Variants in EDNRB observed in about 807,000 individuals in gnomAD.
EDNRB encodes the protein Hirschsprung disease 2.
A neutral mutation model predicts 46.4 loss-of-function variants in EDNRB; 18 were observed. That is an observed-to-expected ratio of 0.39 (90% confidence interval 0.27 to 0.57). EDNRB has a LOEUF of 0.57. Ranked by LOEUF, EDNRB falls within the 20% of genes least tolerant of loss-of-function variation. The pLI is 0.61. For missense variants in EDNRB, 434 were observed against 537.5 expected, an observed-to-expected ratio of 0.81 and a Z score of 1.90; for synonymous variants, 213 against 204.9, an observed-to-expected ratio of 1.04 and a Z score of -0.34.
Position 77,896,294 on chromosome 13 carries a change from CTG to C in EDNRB, c.*1904_*1905del, listed in dbSNP as rs1311345860. On this transcript the variant is annotated 3_prime_UTR_variant, in exon 7 of 7. Transcript: ENST00000646607. ...AATAGAAATTAAATATATTAATAAA[CTG>C]TGAAAATATTAGTGATTCAAAATTA... is the stretch of plus-strand genomic sequence containing the variant. The C allele has an allele frequency of 1.4e-5, 9 of 661,944 alleles. No individual in the cohort carries two copies. The highest frequency in any genetic ancestry group is 8.3e-5 in the South Asian group (2 of 24,122). The allele number at this position is 661,944 out of a possible 1,614,324, so 41.0% of individuals were successfully genotyped here.
At chr13:77,936,779 T>C in intron 1 of EDNRB, among the ~76,000 whole-genome samples, 1 of 152,188 alleles carries the variant, frequency 6.6e-6, no homozygotes. Context: ...TTCTGGCACT[T>C]GAAGCAAGAT....
At chr13:77,940,455 A>G (rs1172410254) in intron 1 of EDNRB, among the ~76,000 whole-genome samples, 4 of 152,254 alleles carry the variant, frequency 2.6e-5, no homozygotes. Flanking sequence ...TTTGAAATAC[A>G]TAAAACCCTC....
chr13:77,930,744 C>T (rs1880369446), intron 1 of EDNRB, among the ~76,000 whole-genome samples: 1 of 152,154 alleles, frequency 6.6e-6, no homozygotes, highest in African/African-American at 2.4e-5. Flanking sequence ...GATATATCTG[C>T]AATATGCCAA....
At chr13:77,898,359 A>T (rs1355030053) in intron 6 of EDNRB, 25 bp from the exon 7 acceptor site, 1 of 1,610,642 alleles carries the variant, frequency 6.2e-7, no homozygotes, top group Non-Finnish European at 8.5e-7. Flanking sequence ...GTAACTCATT[A>T]TATGTTAACA....
intron 1 of EDNRB, chr13:77,947,460 A>G (rs1880959924): frequency 6.6e-6 from 1 of 151,914 alleles, no homozygotes. Flanking sequence ...GATAAATCAA[A>G]TTCATTTTAG....
intron 1 of EDNRB, among the ~76,000 whole-genome samples, chr13:77,947,058 C>T (rs900708558): frequency 6.6e-6 from 1 of 152,140 alleles, no homozygotes; most frequent in African/African-American, 2.4e-5. Flanking sequence ...CAGCAAGTTA[C>T]TGTTAATGTT....
At position 77,918,059 on chromosome 13, in the gene EDNRB, A is replaced by T. The variant is rs1428799604; in HGVS notation, c.483+32T>A. 13 of 1,613,494 alleles carry T rather than the reference A, an allele frequency of 8.1e-6. No individual in the cohort carries two copies. The highest frequency in any genetic ancestry group is 1.1e-5 in the Non-Finnish European group (13 of 1,180,014). ...GTCTCCAACCAGGCCCCCTTCCTCA[A>T]GCCCACCATGATTTCAGCAGGCGCC... On this transcript the variant is annotated intron_variant, in intron 1 of 6. Coordinates refer to ENST00000646607, the MANE Select transcript of EDNRB (RefSeq NM_001122659.3). This position sits in a 1 kb window ranked among gnomAD's most constrained non-coding sequence, Gnocchi z 4.5.
rs559225914 is a variant in EDNRB, at chr13:77,968,488, T to A, written c.-52+6859A>T. Among the ~76,000 whole-genome samples, 3 of 152,282 alleles carry A rather than the reference T, an allele frequency of 2.0e-5. No homozygotes were observed. In the South Asian group the frequency reaches 6.2e-4, roughly 32 times the overall value. ...GAATGGATAAATGAATGCATGAATC[T>A]TTGAGCTCATTTTTTTTCAACTATG... On this transcript the variant is annotated intron_variant, in intron 1 of 7. Coordinates refer to the EDNRB transcript ENST00000646948.
At chr13:77,924,861 G>T (rs763896701) in intron 1 of EDNRB, among the ~76,000 whole-genome samples, 1 of 152,184 alleles carries the variant, frequency 6.6e-6, no homozygotes, top group Non-Finnish European at 1.5e-5. Flanking sequence ...TCCTGTACAA[G>T]CTCCTTTTTG....
chr13:77,918,748 T>G lies in EDNRB; in HGVS notation c.-175A>C. 1 of 1,327,986 alleles carries G rather than the reference T, an allele frequency of 7.5e-7. No homozygotes were observed. The allele number at this position is 1,327,986 out of a possible 1,614,324, so 82.3% of individuals were successfully genotyped here. On this transcript the variant is annotated 5_prime_UTR_variant, in exon 1 of 7. Coordinates refer to ENST00000646607, the MANE Select transcript of EDNRB (RefSeq NM_001122659.3). This position sits in a 1 kb window ranked among gnomAD's most constrained non-coding sequence, Gnocchi z 4.5. ...TCCACGCTCAAAAGTAACTCAAGTT[T>G]GCGCGCCAGTGGGAAACTTGGCGCT...
intron 1 of EDNRB, among the ~76,000 whole-genome samples, chr13:77,955,250 A>G (rs532579679): frequency 1.3e-5 from 2 of 152,046 alleles, no homozygotes; most frequent in Non-Finnish European, 2.9e-5. Context: ...CTTTTCATAT[A>G]CCTGTTGACA....
At chr13:77,917,120 G>T (rs12720168) in intron 1 of EDNRB, among the ~76,000 whole-genome samples, 2,466 of 152,210 alleles carry the variant, frequency 0.016, 43 homozygotes, top group East Asian at 0.064. Context: ...GATTTTGAGT[G>T]CTCCTTGGTC....
rs553531048 is a variant in EDNRB, at chr13:77,969,784, G to A, written c.-52+5563C>T. Reference sequence around the variant, plus strand: ...TCTCCTTTAAACTAGTAGTTGTGCTGTACATGACATACCTTGTGTTACTAG... The same window carrying A: ...TCTCCTTTAAACTAGTAGTTGTGCTATACATGACATACCTTGTGTTACTAG... On this transcript the variant is annotated intron_variant, in intron 1 of 7. Transcript: ENST00000646948. Among the ~76,000 whole-genome samples, 107 of 152,252 alleles carry A rather than the reference G, an allele frequency of 7.0e-4. 2 individuals are homozygous for A. In the South Asian group the frequency reaches 0.02, roughly 28 times the overall value.
chr13:77,945,067 G>A (rs1313888437), intron 1 of EDNRB, among the ~76,000 whole-genome samples: 1 of 152,120 alleles, frequency 6.6e-6, no homozygotes, highest in Non-Finnish European at 1.5e-5. Context: ...TGAACTCAAT[G>A]CCCTTTATGT....
chr13:77,961,207 C>G (rs1881400562), intron 1 of EDNRB, among the ~76,000 whole-genome samples: 1 of 152,108 alleles, frequency 6.6e-6, no homozygotes, highest in East Asian at 1.9e-4. Flanking sequence ...TAGACATCTA[C>G]AGAACTCTCC....
chr13:77,922,385 G>T (rs902113926), upstream of EDNRB, among the ~76,000 whole-genome samples: 2 of 152,038 alleles, frequency 1.3e-5, no homozygotes, highest in Non-Finnish European at 2.9e-5. Flanking sequence ...AAACCTTTTC[G>T]CCTGGTGACA....
intron 1 of EDNRB, among the ~76,000 whole-genome samples, chr13:77,945,105 G>C (rs1290771414): frequency 1.3e-5 from 2 of 152,122 alleles, no homozygotes; most frequent in Non-Finnish European, 2.9e-5. Flanking sequence ...ATGACAGGTG[G>C]CAGCGGTACT....
intron 5 of EDNRB, 86 bp downstream of exon 5, chr13:77,900,435 C>T (rs527756906): frequency 1.3e-6 from 2 of 1,586,108 alleles, no homozygotes; most frequent in East Asian, 2.2e-5. Flanking sequence ...AAATGGTAGT[C>T]TGTCTTTCTG....
intron 4 of EDNRB, 148 bp from the exon 5 acceptor site, chr13:77,900,802 T>C (rs976310328): frequency 2.3e-6 from 3 of 1,278,372 alleles, no homozygotes; most frequent in South Asian, 1.3e-5. Flanking sequence ...GAATAGTTAA[T>C]GTGAAGTGGA....
Sources: allele counts gnomAD v4.1 joint callset (sites outside exome capture counted in the v4.1 genomes callset), GRCh38; gene constraint gnomAD v4.1.1; non-coding constraint Gnocchi (gnomAD v3.1); transcripts MANE v1.5; gene names NCBI Gene and HGNC (gene_info 2026-07-23, HGNC 2026-07-21).